JAK1: variants seen among roughly 807,000 people sequenced by gnomAD.
JAK1 encodes the protein Janus kinase 1.
A neutral mutation model predicts 136.6 loss-of-function variants in JAK1; 16 were observed. The observed-to-expected ratio is 0.12, with a 90% CI of 0.08 to 0.18. The LOEUF is 0.18. Among genes scored for constraint, JAK1 ranks in the 10% least tolerant of loss-of-function variants. The pLI is 1.00. For synonymous variants in JAK1, 492 were observed against 519.5 expected (o/e 0.95, Z 0.72); for missense variants, 859 against 1,450.1 (o/e 0.59, Z 6.62).
chr1:64,881,231 C>T (rs1434297026), intron 3 of JAK1, among the ~76,000 whole-genome samples: 1 of 147,072 alleles, frequency 6.8e-6, no homozygotes, highest in Non-Finnish European at 1.5e-5. Flanking sequence ...CACTGCACTC[C>T]AGTCTAGGGG....
In JAK1 at chr1:65,027,198, C is replaced by T. The variant is rs926064706; in HGVS notation, c.-78+17282G>A. ...AGTAACTGGGACTACAGGTGCACACCACCACACCTGGCTAATTTACCACAC... is the reference window on the plus strand; with the variant it reads ...AGTAACTGGGACTACAGGTGCACACTACCACACCTGGCTAATTTACCACAC... On this transcript the variant is annotated intron_variant, in intron 2 of 25. Transcript: ENST00000671954. Among the ~76,000 whole-genome samples, 13 of 151,648 alleles carry T rather than the reference C, an allele frequency of 8.6e-5. No individual in the cohort carries two copies. The South Asian group carries it at 2.5e-3, about 29-fold the overall frequency.
intron 1 of JAK1, among the ~76,000 whole-genome samples, chr1:64,930,958 T>A (rs1372026396): frequency 1.4e-5 from 2 of 141,714 alleles, no homozygotes; most frequent in Non-Finnish European, 3.0e-5. Context: ...TGAGAACACA[T>A]GGATGCAGGG....
chr1:64,972,785 T>C (rs1553022), intron 2 of JAK1: 12,490 of 152,132 alleles, frequency 0.082, 717 homozygotes, highest in Admixed American at 0.15. Flanking sequence ...TGAGACCCTG[T>C]CTCCAAAAGA....
intron 2 of JAK1, chr1:64,985,906 A>T: frequency 1.4e-6 from 1 of 736,218 alleles, no homozygotes; most frequent in Non-Finnish European, 2.3e-6. Context: ...ATAGACAAGC[A>T]CCAAAGGGAC....
At position 64,996,022 on chromosome 1, in the gene JAK1, C is replaced by A. The variant is rs376637179; in HGVS notation, c.-78+48458G>T. Among the ~76,000 whole-genome samples the A allele has an allele frequency of 3.9e-4, 60 of 152,328 alleles. No homozygotes were observed. The South Asian group carries it at 0.012, about 31-fold the overall frequency. ...CCATTGAAAGTGCTGGGATTATAGGCCTGAGCCACTGCGCCTGGCTGACAT... is the reference window on the plus strand; with the variant it reads ...CCATTGAAAGTGCTGGGATTATAGGACTGAGCCACTGCGCCTGGCTGACAT... On this transcript the variant is annotated intron_variant, in intron 2 of 25. Coordinates refer to the JAK1 transcript ENST00000671954.
chr1:64,883,521 A>G (rs1338359314), intron 2 of JAK1, 46 bp from the exon 3 acceptor site: 1 of 1,537,188 alleles, frequency 6.5e-7, no homozygotes, highest in African/African-American at 1.4e-5. Context: ...CTATGTGCTA[A>G]AAGTTCTTAT....
chr1:64,957,934 A>ACTCC (rs1225947304), intron 1 of JAK1, among the ~76,000 whole-genome samples: 1 of 85,584 alleles, frequency 1.2e-5, no homozygotes, highest in Non-Finnish European at 2.4e-5. Flanking sequence ...AAAGAGCGAG[A>ACTCC]CTCCGTCTCA....
At chr1:65,029,238 G>A (rs1012198670) in intron 2 of JAK1, among the ~76,000 whole-genome samples, 9 of 152,046 alleles carry the variant, frequency 5.9e-5, no homozygotes, top group Admixed American at 2.0e-4. Flanking sequence ...CTGGGACTAC[G>A]GACATGCACC....
intron 1 of JAK1, among the ~76,000 whole-genome samples, chr1:64,892,148 T>C (rs927920214): frequency 6.6e-6 from 1 of 152,244 alleles, no homozygotes; most frequent in African/African-American, 2.4e-5. Flanking sequence ...CATAATCTTA[T>C]TAAAGAGCAA....
At chr1:65,040,515 C>G (rs1227851932) in intron 2 of JAK1, among the ~76,000 whole-genome samples, 1 of 152,190 alleles carries the variant, frequency 6.6e-6, no homozygotes, top group Non-Finnish European at 1.5e-5. Flanking sequence ...TTCATTCCAT[C>G]TGCAACCAGA....
chr1:64,936,287 A>G (rs1645787990), intron 1 of JAK1, among the ~76,000 whole-genome samples: 1 of 152,172 alleles, frequency 6.6e-6, no homozygotes, highest in Admixed American at 6.6e-5. Flanking sequence ...TATTAGGCCA[A>G]ATAAGCCTCT....
In JAK1 at chr1:64,860,415, CATGCATTTATTTATTTATTTATTTATTT is replaced by C. The variant is rs749153557; in HGVS notation, c.1177-181_1177-154del. Among the ~76,000 whole-genome samples the C allele has an allele frequency of 5.7e-4, 73 of 128,450 alleles. 1 individual carries two copies. The highest frequency in any genetic ancestry group is 1.7e-3 in the African/African-American group (65 of 37,168). 84.3% of individuals were successfully genotyped at this position (128,450 alleles called of 152,430 possible). A position where few individuals can be genotyped will look rare whatever the true frequency, so the allele number is the denominator to read the frequency against. On this transcript the variant is annotated intron_variant, in intron 8 of 24. Coordinates refer to ENST00000342505, the MANE Select transcript of JAK1 (RefSeq NM_002227.4). Reference sequence around the variant, plus strand: ...TCATCAATACTAAATATACCCCTTGCATGCATTTATTTATTTATTTATTTATTTATTTATTTATTTATTTATTTATTTA... The same window carrying C: ...TCATCAATACTAAATATACCCCTTGCATTTATTTATTTATTTATTTATTTA...
chr1:64,986,110 T>G (rs1192728830), intron 2 of JAK1: 1 of 310,202 alleles, frequency 3.2e-6, no homozygotes, highest in Non-Finnish European at 4.9e-6. Flanking sequence ...AATCTAATTG[T>G]TTTTTTTTTT....
At chr1:64,928,801 A>AAAACAAC (rs1553170051) in intron 1 of JAK1, among the ~76,000 whole-genome samples, 2 of 150,728 alleles carry the variant, frequency 1.3e-5, no homozygotes, top group African/African-American at 4.9e-5. Context: ...AAAAAACAAA[A>AAAACAAC]AAAAAAAACT....
chr1:64,965,685 C>T (rs576009373), intron 1 of JAK1, among the ~76,000 whole-genome samples: 1 of 152,288 alleles, frequency 6.6e-6, no homozygotes, highest in Admixed American at 6.5e-5. Context: ...TGTTCCCCTT[C>T]CCTGGTCCTC....
intron 1 of JAK1, among the ~76,000 whole-genome samples, chr1:65,066,306 G>A (rs953994625): frequency 2.0e-5 from 3 of 152,130 alleles, no homozygotes; most frequent in Non-Finnish European, 4.4e-5. Context: ...AAACCGACCT[G>A]GACCAGCACA....
At chr1:64,901,508 T>C (rs1417094114) in intron 1 of JAK1, among the ~76,000 whole-genome samples, 1 of 152,138 alleles carries the variant, frequency 6.6e-6, no homozygotes, top group Non-Finnish European at 1.5e-5. Context: ...TAATACAGTA[T>C]GTCAAGTAAG....
chr1:64,988,828 G>A (rs963936220), intron 2 of JAK1, among the ~76,000 whole-genome samples: 4 of 151,834 alleles, frequency 2.6e-5, no homozygotes, highest in Non-Finnish European at 5.9e-5. Flanking sequence ...AGTCAAGGCT[G>A]CAGTGAACTA....
chr1:64,943,206 G>T (rs1378308227), intron 1 of JAK1, among the ~76,000 whole-genome samples: 2 of 152,120 alleles, frequency 1.3e-5, no homozygotes. Flanking sequence ...GCACTATAAA[G>T]ATTACTTCCC....
Sources: allele counts gnomAD v4.1 joint callset (sites outside exome capture counted in the v4.1 genomes callset), GRCh38; gene constraint gnomAD v4.1.1; transcripts MANE v1.5; gene names NCBI Gene and HGNC (gene_info 2026-07-23, HGNC 2026-07-21).